The following NELL1 variants were observed in gnomAD, a reference collection of about 807,000 sequenced individuals.
NELL1 encodes neural EGFL like 1.
Under a neutral mutation model 107.4 loss-of-function variants are expected in NELL1, and 76 were observed. That is an observed-to-expected ratio of 0.71 (90% confidence interval 0.59 to 0.86). The LOEUF is 0.86. NELL1 is among the 40% of genes least tolerant of loss of function. The pLI, the probability that NELL1 is intolerant of heterozygous loss-of-function variation, is 0.00. For synonymous variants in NELL1, 353 were observed against 341.2 expected (o/e 1.03, Z -0.38); for missense variants, 1,024 against 1,005.5 (o/e 1.02, Z -0.25).
intron 12 of NELL1, among the ~76,000 whole-genome samples, chr11:21,012,101 G>A (rs1478026002): frequency 2.0e-5 from 3 of 152,002 alleles, no homozygotes; most frequent in East Asian, 3.9e-4. Flanking sequence ...ACCCAATGTC[G>A]AATAACATAG....
intron 1 of NELL1, among the ~76,000 whole-genome samples, chr11:20,677,657 C>T (rs1854091777): frequency 6.6e-6 from 1 of 151,786 alleles, no homozygotes; most frequent in Non-Finnish European, 1.5e-5. Context: ...CACATGGCAC[C>T]TTCTGAATTC....
chr11:21,052,628 A>C (rs554919103), intron 12 of NELL1, among the ~76,000 whole-genome samples: 3 of 152,258 alleles, frequency 2.0e-5, no homozygotes, highest in African/African-American at 7.2e-5. Flanking sequence ...AAGGAAATAA[A>C]GTGGGTTATA....
At chr11:20,694,442 A>G (rs1267397032) in intron 2 of NELL1, among the ~76,000 whole-genome samples, 3 of 152,030 alleles carry the variant, frequency 2.0e-5, no homozygotes, top group African/African-American at 2.4e-5. Flanking sequence ...TAATTTTTGC[A>G]TATAGTGAGA....
chr11:21,113,935 A>G (rs1023179051), intron 13 of NELL1, among the ~76,000 whole-genome samples: 1 of 152,024 alleles, frequency 6.6e-6, no homozygotes, highest in African/African-American at 2.4e-5. Flanking sequence ...GTGTGCTTGC[A>G]TACATGGGTG....
chr11:20,942,984 T>C (rs11025828), intron 10 of NELL1, among the ~76,000 whole-genome samples: 9,502 of 152,110 alleles, frequency 0.062, 395 homozygotes, highest in East Asian at 0.2. Flanking sequence ...AATGCCAGCT[T>C]ATTTAAATAT....
At chr11:20,754,598 A>G (rs954440995) in intron 2 of NELL1, among the ~76,000 whole-genome samples, 2 of 152,218 alleles carry the variant, frequency 1.3e-5, no homozygotes, top group African/African-American at 2.4e-5. Context: ...ATTTTTGCCA[A>G]GGAAGGATGT....
intron 16 of NELL1, among the ~76,000 whole-genome samples, chr11:21,556,504 G>A (rs1334113594): frequency 6.6e-6 from 1 of 151,894 alleles, no homozygotes; most frequent in Non-Finnish European, 1.5e-5. Context: ...TGGCTTGAAG[G>A]GTAGGAAAAT....
intron 10 of NELL1, among the ~76,000 whole-genome samples, chr11:20,939,675 A>C (rs565563634): frequency 1.3e-5 from 2 of 152,164 alleles, no homozygotes. Context: ...TGGAGAAAAA[A>C]TTCCCCAAGA....
At chr11:20,777,290 A>G (rs941148274) in intron 2 of NELL1, among the ~76,000 whole-genome samples, 1 of 152,268 alleles carries the variant, frequency 6.6e-6, no homozygotes, top group African/African-American at 2.4e-5. Context: ...GTGCGATGAC[A>G]TGTGCAGGGC....
At chr11:20,910,145 G>A (rs1850093762) in intron 5 of NELL1, among the ~76,000 whole-genome samples, 1 of 152,154 alleles carries the variant, frequency 6.6e-6, no homozygotes, top group Non-Finnish European at 1.5e-5. Flanking sequence ...CTCCTGGCTG[G>A]GGCAATGTTG....
chr11:21,433,468 T>C (rs1853021782), intron 15 of NELL1, among the ~76,000 whole-genome samples: 1 of 152,206 alleles, frequency 6.6e-6, no homozygotes. Context: ...TTTTCAATAA[T>C]GGCTGTATTA....
chr11:20,938,131 G>A (rs1457084063), intron 10 of NELL1, among the ~76,000 whole-genome samples: 1 of 152,138 alleles, frequency 6.6e-6, no homozygotes, highest in Non-Finnish European at 1.5e-5. Flanking sequence ...TATTAGTTAG[G>A]GAGGCTGGTG....
intron 15 of NELL1, among the ~76,000 whole-genome samples, chr11:21,449,015 A>G (rs1239179653): frequency 2.0e-5 from 3 of 152,172 alleles, no homozygotes; most frequent in Non-Finnish European, 4.4e-5. Context: ...ATCTGCTACG[A>G]GTATTAATAA....
chr11:21,423,059 C>CT (rs1411745717), intron 15 of NELL1, among the ~76,000 whole-genome samples: 1 of 152,056 alleles, frequency 6.6e-6, no homozygotes, highest in Non-Finnish European at 1.5e-5. Context: ...AAAATAGACT[C>CT]TAAGTTTAAA....
chr11:20,865,282 A>C (rs1400136680), intron 4 of NELL1, among the ~76,000 whole-genome samples: 1 of 152,222 alleles, frequency 6.6e-6, no homozygotes, highest in Non-Finnish European at 1.5e-5. Flanking sequence ...CATTCCTGCT[A>C]AACACCACAT....
At chr11:20,847,362 A>C (rs941424831) in intron 3 of NELL1, among the ~76,000 whole-genome samples, 7 of 152,192 alleles carry the variant, frequency 4.6e-5, no homozygotes, top group African/African-American at 1.7e-4. Context: ...ATGGTGGACC[A>C]ATTGATCTCT....
At chr11:21,405,558 C>T (rs1180660370) in intron 15 of NELL1, among the ~76,000 whole-genome samples, 1 of 151,972 alleles carries the variant, frequency 6.6e-6, no homozygotes, top group African/African-American at 2.4e-5. Context: ...CCAAAACAAA[C>T]AGTTCTGTTC....
At chr11:21,441,549 G>A (rs185043129) in intron 15 of NELL1, among the ~76,000 whole-genome samples, 6 of 152,016 alleles carry the variant, frequency 3.9e-5, no homozygotes, top group East Asian at 1.9e-4. Context: ...GTATGATATT[G>A]TAACACTTTC....
At chr11:21,119,972 C>G (rs757154879) in intron 13 of NELL1, among the ~76,000 whole-genome samples, 4 of 152,094 alleles carry the variant, frequency 2.6e-5, no homozygotes, top group Non-Finnish European at 5.9e-5. Flanking sequence ...TTCACAGTAA[C>G]GGGTAGGCAT....
Sources: gnomAD v4.1 joint callset for allele counts (sites outside exome capture counted in the v4.1 genomes callset) on GRCh38, gnomAD v4.1.1 for gene constraint, MANE v1.5 for transcripts, NCBI Gene and HGNC (gene_info 2026-07-23, HGNC 2026-07-21) for gene names.